Variants in BEAN1 observed in about 807,000 individuals in gnomAD.
The protein encoded by BEAN1 is brain expressed associated with NEDD4 1, also known as protein BEAN1.
In BEAN1, 17 loss-of-function variants were observed where a neutral mutation model predicts 17.7. The observed-to-expected ratio is 0.96, with a 90% confidence interval of 0.66 to 1.44. BEAN1 has a LOEUF of 1.44. BEAN1 is among the 40% of genes most tolerant of loss of function. The pLI is 0.00. For missense variants in BEAN1, 359 were observed against 374.1 expected (o/e 0.96, Z 0.33); for synonymous variants, 142 against 151.8 (o/e 0.94, Z 0.47).
chr16:66,473,465 G>A lies in BEAN1; in HGVS notation c.289+3600G>A, dbSNP rs1232392283. 3.3e-5 allele frequency among the ~76,000 whole-genome samples: 5 copies of A among 152,128 alleles called. No homozygotes were observed. The highest frequency in any genetic ancestry group is 5.9e-5 in the Non-Finnish European group (4 of 68,016). On this transcript the variant is annotated intron_variant, in intron 3 of 4. Transcript: ENST00000536005. This position sits in a 1 kb window ranked among gnomAD's most constrained non-coding sequence, Gnocchi z 4.5. Reference sequence around the variant, plus strand: ...CTTCCCCCAGCCTTCTGGAGGATGCGCAGGGGCTGCCGGGAGCCTTGGGAG... The same window carrying A: ...CTTCCCCCAGCCTTCTGGAGGATGCACAGGGGCTGCCGGGAGCCTTGGGAG...
Position 66,453,743 on chromosome 16 carries a change from T to G in BEAN1, c.26-15859T>G, listed in dbSNP as rs77917532. On this transcript the variant is annotated intron_variant, in intron 2 of 4. Coordinates refer to ENST00000536005, the MANE Select transcript of BEAN1 (RefSeq NM_001178020.3). ...AGCATGTAGTTTAATTTTTTTTTTT[T>G]GGGTCAGGGGGACAGAGTCTTGCTC... is the stretch of plus-strand genomic sequence containing the variant. 7.0e-3 allele frequency among the ~76,000 whole-genome samples: 1,061 copies of G among 150,694 alleles called. 7 individuals carry two copies. The highest frequency in any genetic ancestry group is 0.014 in the Middle Eastern group (4 of 294).
intron 4 of BEAN1, chr16:66,492,825 A>G (rs1964193236): frequency 1.7e-6 from 1 of 605,794 alleles, no homozygotes; most frequent in East Asian, 2.7e-5. Context: ...TCCTTTGGCC[A>G]AATGCCCTCA....
chr16:66,461,813 T>A (rs1298851491), intron 2 of BEAN1, among the ~76,000 whole-genome samples: 1 of 151,916 alleles, frequency 6.6e-6, no homozygotes, highest in Non-Finnish European at 1.5e-5. Flanking sequence ...CACACTACCC[T>A]CCCTAAGGAG....
intron 4 of BEAN1, among the ~76,000 whole-genome samples, chr16:66,490,887 T>C (rs1025124261): frequency 4.6e-5 from 7 of 152,182 alleles, no homozygotes; most frequent in African/African-American, 1.7e-4. Context: ...TGGCTGCACA[T>C]AGCTTTATCT....
At chr16:66,474,614 G>GAGGGAGGGAGGGAGGA (rs1567505240) in intron 3 of BEAN1, among the ~76,000 whole-genome samples, 4 of 14,280 alleles carry the variant, frequency 2.8e-4, no homozygotes, top group Non-Finnish European at 6.1e-4. Context: ...GAGAGGGAGG[G>GAGGGAGGGAGGGAGGA]AGGAAGGGAG....
At chr16:66,470,821 A>G (rs1183171850) in intron 3 of BEAN1, among the ~76,000 whole-genome samples, 2 of 152,222 alleles carry the variant, frequency 1.3e-5, no homozygotes, top group African/African-American at 2.4e-5. Context: ...ATTCAATTGC[A>G]TTCCATTCTC....
intron 2 of BEAN1, among the ~76,000 whole-genome samples, chr16:66,464,002 T>C (rs964248387): frequency 1.3e-5 from 2 of 152,238 alleles, no homozygotes; most frequent in African/African-American, 2.4e-5. Context: ...ATCTCCATGC[T>C]AGTACCACAC....
intron 2 of BEAN1, 52 bp downstream of exon 2, chr16:66,437,753 G>A: frequency 1.3e-6 from 2 of 1,506,224 alleles, no homozygotes; most frequent in Non-Finnish European, 1.8e-6. Flanking sequence ...CAAGGGCAGA[G>A]CTTGGAGTCG....
At chr16:66,437,758 G>C in intron 2 of BEAN1, 57 bp downstream of exon 2, 1 of 1,499,530 alleles carries the variant, frequency 6.7e-7, no homozygotes, top group Non-Finnish European at 9.0e-7. Flanking sequence ...GCAGAGCTTG[G>C]AGTCGAGCTG....
intron 1 of BEAN1, among the ~76,000 whole-genome samples, chr16:66,429,094 C>T (rs1027874325): frequency 3.3e-5 from 5 of 152,188 alleles, no homozygotes; most frequent in Admixed American, 6.5e-5. Flanking sequence ...CCTCCACTCC[C>T]GGGTGGAGGA....
intron 2 of BEAN1, chr16:66,451,362 A>G (rs1294711135): frequency 6.6e-6 from 1 of 152,158 alleles, no homozygotes; most frequent in Non-Finnish European, 1.5e-5. Flanking sequence ...CTTGACCTTG[A>G]CCCTGGATGC....
At chr16:66,478,459 G>T (rs1306859374) in intron 4 of BEAN1, among the ~76,000 whole-genome samples, 1 of 152,086 alleles carries the variant, frequency 6.6e-6, no homozygotes, top group South Asian at 2.1e-4. Flanking sequence ...AAAATTCGCC[G>T]GGCGTGGTGG....
At chr16:66,456,964 C>T (rs1292521246) in intron 2 of BEAN1, among the ~76,000 whole-genome samples, 5 of 152,142 alleles carry the variant, frequency 3.3e-5, no homozygotes, top group Admixed American at 1.3e-4. Context: ...TTTCCAGTTA[C>T]GTTTTAACAC....
At chr16:66,483,649 A>G (rs553382578), downstream of BEAN1, 5 of 152,390 alleles carry the variant, frequency 3.3e-5, no homozygotes, top group African/African-American at 1.2e-4. Flanking sequence ...CAGAACTCCA[A>G]TAGAGCCCAC....
rs1336018847 is a variant in BEAN1, at chr16:66,480,817, C to A, written c.672C>A (p.Pro224=). The A allele has an allele frequency of 2.6e-6, 4 of 1,539,802 alleles. No homozygotes were observed. Among genetic ancestry groups the A allele is most frequent in the Non-Finnish European group, 3.5e-6 (4 of 1,139,952 alleles). The change falls in exon 5 of 5, where the codon CCC becomes CCA. Residue 224 remains proline, a synonymous_variant. Transcript: ENST00000536005. ...PPYEAVCGAG[P]PSGLLPLPGP... is the part of the protein sequence containing the mutation. Reference sequence around the variant, plus strand: ...ACGAGGCTGTGTGCGGGGCTGGCCCCCCATCAGGCCTGCTGCCACTGCCGG... The same window carrying A: ...ACGAGGCTGTGTGCGGGGCTGGCCCACCATCAGGCCTGCTGCCACTGCCGG...
chr16:66,491,865 G>A (rs942658498), intron 4 of BEAN1, among the ~76,000 whole-genome samples: 3 of 152,092 alleles, frequency 2.0e-5, no homozygotes, highest in Non-Finnish European at 2.9e-5. Context: ...CCTGCTGTGC[G>A]GCCAGGTTCC....
rs1182446188 is a variant in BEAN1 at position 66,427,922 on chromosome 16, C to A, written c.-83+491C>A. The A allele has an allele frequency of 6.6e-6, 1 of 152,318 alleles. No homozygotes were observed. Among genetic ancestry groups the A allele is most frequent in the Non-Finnish European group, 1.5e-5 (1 of 68,156 alleles). 9.4% of individuals were successfully genotyped at this position (152,318 alleles called of 1,614,324 possible). ...CACGGAGTTTGGAGTTTGAACCCAC[C>A]CGCACCCCTTTGAGCTAGGAAGTTT... On this transcript the variant is annotated intron_variant, in intron 1 of 4. Coordinates refer to ENST00000536005, the MANE Select transcript of BEAN1 (RefSeq NM_001178020.3). The surrounding 1 kb of genome is among the most constrained non-coding windows in gnomAD (Gnocchi z 4.7).
chr16:66,472,253 G>A (rs1278082270), intron 3 of BEAN1, among the ~76,000 whole-genome samples: 1 of 152,244 alleles, frequency 6.6e-6, no homozygotes, highest in Non-Finnish European at 1.5e-5. Flanking sequence ...CTCCCTCAGT[G>A]TCTTGGTCAT....
intron 2 of BEAN1, among the ~76,000 whole-genome samples, chr16:66,453,643 T>G (rs976468575): frequency 1.3e-5 from 2 of 152,210 alleles, no homozygotes; most frequent in African/African-American, 4.8e-5. Flanking sequence ...ATTACAGGCA[T>G]GAGCCACAGT....
Sources: allele counts gnomAD v4.1 joint callset (sites outside exome capture counted in the v4.1 genomes callset), GRCh38; gene constraint gnomAD v4.1.1; non-coding constraint Gnocchi (gnomAD v3.1); transcripts MANE v1.5; gene names NCBI Gene and HGNC (gene_info 2026-07-23, HGNC 2026-07-21).